CHRM3: variants seen among roughly 807,000 people sequenced by gnomAD.
CHRM3 encodes the protein muscarinic acetylcholine receptor M3.
In CHRM3, 11 loss-of-function variants were observed where a neutral mutation model predicts 41.8. The ratio of observed to expected loss-of-function variants is 0.26; its 90% CI spans 0.17 to 0.44. The LOEUF (loss-of-function observed/expected upper bound fraction) is 0.44. CHRM3 is among the 20% of genes least tolerant of loss of function. The pLI is 1.00. For missense variants in CHRM3, 571 were observed against 745.4 expected (o/e 0.77, Z 2.72); for synonymous variants, 297 against 301.4 (o/e 0.99, Z 0.15).
chr1:239,450,662 C>T (rs1210212611), intron 1 of CHRM3, among the ~76,000 whole-genome samples: 1 of 152,122 alleles, frequency 6.6e-6, no homozygotes, highest in African/African-American at 2.4e-5. Flanking sequence ...TTCCTGGGTA[C>T]GTACATTTTT....
intron 1 of CHRM3, among the ~76,000 whole-genome samples, chr1:239,461,392 CAGG>C (rs1665350283): frequency 6.6e-6 from 1 of 152,044 alleles, no homozygotes; most frequent in Non-Finnish European, 1.5e-5. Context: ...CAAGCTAGCT[CAGG>C]GGGAAATAAT....
At chr1:239,564,922 G>T (rs770391981) in intron 3 of CHRM3, among the ~76,000 whole-genome samples, 4 of 152,140 alleles carry the variant, frequency 2.6e-5, no homozygotes, top group Non-Finnish European at 4.4e-5. Context: ...AGATATGGAG[G>T]ACAGAGGCCA....
chr1:239,420,518 T>A (rs1302384059), intron 1 of CHRM3, among the ~76,000 whole-genome samples: 2 of 151,986 alleles, frequency 1.3e-5, no homozygotes, highest in African/African-American at 2.4e-5. Context: ...GTTCCTTGAG[T>A]TTTTGCAAAC....
chr1:239,901,443 A>G (rs1022192051), intron 6 of CHRM3, among the ~76,000 whole-genome samples: 3 of 151,954 alleles, frequency 2.0e-5, no homozygotes, highest in Admixed American at 2.0e-4. Context: ...CTGCTAATAT[A>G]TGATTTGCAT....
chr1:239,838,657 A>G (rs896237525), intron 6 of CHRM3, among the ~76,000 whole-genome samples: 1 of 152,202 alleles, frequency 6.6e-6, no homozygotes, highest in Non-Finnish European at 1.5e-5. Flanking sequence ...AAAGCTGGTT[A>G]GTGATAAAGT....
At chr1:239,587,355 T>A (rs1411934164) in intron 3 of CHRM3, among the ~76,000 whole-genome samples, 2 of 152,182 alleles carry the variant, frequency 1.3e-5, no homozygotes, top group Non-Finnish European at 2.9e-5. Context: ...TACCAGTCAT[T>A]TACGTCAGCT....
chr1:239,726,778 A>G (rs1663478625), intron 5 of CHRM3, among the ~76,000 whole-genome samples: 1 of 151,946 alleles, frequency 6.6e-6, no homozygotes, highest in African/African-American at 2.4e-5. Flanking sequence ...GCTTCAAGAA[A>G]TGGTGTGTTG....
chr1:239,427,042 T>A (rs1662444205), intron 1 of CHRM3, among the ~76,000 whole-genome samples: 1 of 152,016 alleles, frequency 6.6e-6, no homozygotes, highest in Non-Finnish European at 1.5e-5. Flanking sequence ...TTGAGACATG[T>A]TAATTTGAAG....
rs909529723 is a variant in CHRM3, at chr1:239,914,508, A to T, written c.*5284A>T. The T allele has an allele frequency of 4.8e-5, 8 of 167,134 alleles. 1 individual carries two copies. The allele number at this position is 167,134 out of a possible 1,614,324, so 10.4% of individuals were successfully genotyped here. ...CAATAAGGAGAAATATTTTAAATAG[A>T]TTTGAAGTTGTGAACAAATAATTTA... is the stretch of plus-strand genomic sequence containing the variant. On this transcript the variant is annotated 3_prime_UTR_variant, in exon 7 of 7. Coordinates refer to ENST00000676153, the MANE Select transcript of CHRM3 (RefSeq NM_001375978.1).
In CHRM3 at chr1:239,907,308, T is replaced by C. The variant is rs1328270126; in HGVS notation, c.-19-125T>C. The stretch of plus-strand genomic sequence containing the variant: ...TTAAAATAAGAGAATGAACTTGATG[T>C]TTGGCTTCATAGAGATTCAGCACCC... On this transcript the variant is annotated intron_variant, in intron 6 of 6. Transcript: ENST00000676153. The surrounding 1 kb of genome is among the most constrained non-coding windows in gnomAD (Gnocchi z 5.4). The C allele has an allele frequency of 3.0e-6, 2 of 660,508 alleles. No homozygotes were observed. Among genetic ancestry groups the C allele is most frequent in the African/African-American group, 1.8e-5 (1 of 54,978 alleles). The allele number at this position is 660,508 out of a possible 1,614,324, so 40.9% of individuals were successfully genotyped here. A position where few individuals can be genotyped will look rare whatever the true frequency, so the allele number is the denominator to read the frequency against.
intron 2 of CHRM3, among the ~76,000 whole-genome samples, chr1:239,519,840 C>T (rs1211877309): frequency 4.0e-5 from 6 of 149,238 alleles, no homozygotes; most frequent in African/African-American, 1.2e-4. Context: ...CTCCGCCTCC[C>T]GGGTTCACGC....
intron 5 of CHRM3, among the ~76,000 whole-genome samples, chr1:239,809,026 T>TTG (rs1461041230): frequency 7.0e-6 from 1 of 141,852 alleles, no homozygotes; most frequent in Non-Finnish European, 1.5e-5. Flanking sequence ...TCCATTTTTT[T>TTG]TTTTTTTTTT....
At chr1:239,658,911 G>A (rs1239276349) in intron 4 of CHRM3, among the ~76,000 whole-genome samples, 3 of 151,870 alleles carry the variant, frequency 2.0e-5, no homozygotes, top group Non-Finnish European at 2.9e-5. Context: ...GCTATTTTTT[G>A]TATTTTTAGT....
At chr1:239,640,316 A>G (rs143527606) in intron 4 of CHRM3, among the ~76,000 whole-genome samples, 10 of 152,196 alleles carry the variant, frequency 6.6e-5, no homozygotes, top group African/African-American at 2.4e-4. Context: ...TTTTCTATTG[A>G]TTGGAATAGT....
At chr1:239,678,893 T>G (rs915241499) in intron 5 of CHRM3, among the ~76,000 whole-genome samples, 1 of 152,200 alleles carries the variant, frequency 6.6e-6, no homozygotes, top group Non-Finnish European at 1.5e-5. Flanking sequence ...TAATGTTTAA[T>G]GAATTCTCTT....
chr1:239,721,024 T>C (rs542862466), intron 5 of CHRM3, among the ~76,000 whole-genome samples: 1 of 152,032 alleles, frequency 6.6e-6, no homozygotes, highest in East Asian at 1.9e-4. Flanking sequence ...ATGAGAATTG[T>C]ATATTGTGAC....
intron 4 of CHRM3, among the ~76,000 whole-genome samples, chr1:239,667,489 G>T (rs1457593748): frequency 6.6e-6 from 1 of 152,086 alleles, no homozygotes; most frequent in Non-Finnish European, 1.5e-5. Flanking sequence ...GGCTTTTCAT[G>T]ATCACCCTGC....
At chr1:239,839,774 A>T (rs1281611507) in intron 6 of CHRM3, among the ~76,000 whole-genome samples, 1 of 141,950 alleles carries the variant, frequency 7.0e-6, no homozygotes, top group Admixed American at 7.1e-5. Flanking sequence ...TGTCTGGGAC[A>T]TTTACTATTA....
chr1:239,820,194 C>T (rs909345086), intron 5 of CHRM3, among the ~76,000 whole-genome samples: 3 of 152,188 alleles, frequency 2.0e-5, no homozygotes, highest in Non-Finnish European at 4.4e-5. Context: ...CTACTGTGCA[C>T]ACAGGGAGAA....
Sources: allele counts gnomAD v4.1 joint callset (sites outside exome capture counted in the v4.1 genomes callset), GRCh38; gene constraint gnomAD v4.1.1; non-coding constraint Gnocchi (gnomAD v3.1); transcripts MANE v1.5; gene names NCBI Gene and HGNC (gene_info 2026-07-23, HGNC 2026-07-21).